The following POLN variants were observed in gnomAD, a reference collection of about 807,000 sequenced individuals.
POLN encodes DNA polymerase nu, also known as DNA polymerase N.
A neutral mutation model predicts 113.5 loss-of-function variants in POLN; 108 were observed. The observed-to-expected ratio is 0.95, with a 90% confidence interval of 0.81 to 1.12. The LOEUF (loss-of-function observed/expected upper bound fraction) is 1.12. Ranked by LOEUF, POLN falls within the 50% of genes most tolerant of loss-of-function variation. POLN has a pLI of 0.00. For synonymous variants in POLN, 386 were observed against 391.5 expected, an observed-to-expected ratio of 0.99 and a Z score of 0.17; for missense variants, 1,097 against 1,077.1, an observed-to-expected ratio of 1.02 and a Z score of -0.26.
intron 4 of POLN, among the ~76,000 whole-genome samples, chr4:2,210,465 C>A (rs965766015): frequency 2.0e-5 from 3 of 151,428 alleles, no homozygotes. Context: ...CCTACGGTCC[C>A]AGCTACTCAG....
rs188230047 is a variant in POLN, at chr4:2,083,219, C to T, written c.2198-1476G>A. Among the ~76,000 whole-genome samples, 37 of 152,300 alleles carry T rather than the reference C, an allele frequency of 2.4e-4. No individual in the cohort carries two copies. In the East Asian group the frequency reaches 6.9e-3, roughly 29 times the overall value. On this transcript the variant is annotated intron_variant, in intron 21 of 25. Transcript: ENST00000511885. ...TTTACAAGGCTCTCTCTCTCTAGCT[C>T]CCTCCTCTCTGACACTCTGGCTTAC...
At chr4:2,175,777 G>A (rs994031497) in intron 9 of POLN, among the ~76,000 whole-genome samples, 1 of 152,194 alleles carries the variant, frequency 6.6e-6, no homozygotes, top group African/African-American at 2.4e-5. Context: ...CTCTCAGATG[G>A]GGCATAGGGG....
intron 19 of POLN, among the ~76,000 whole-genome samples, chr4:2,102,793 C>A (rs887116392): frequency 1.3e-5 from 2 of 152,192 alleles, no homozygotes; most frequent in African/African-American, 4.8e-5. Flanking sequence ...CCCAAAGAAA[C>A]CACAGATACC....
intron 8 of POLN, among the ~76,000 whole-genome samples, chr4:2,178,441 G>A (rs1220370289): frequency 6.6e-6 from 1 of 152,228 alleles, no homozygotes; most frequent in Admixed American, 6.5e-5. Flanking sequence ...GGCCCCAACT[G>A]TGGCCACATT....
chr4:2,124,675 C>T (rs956394689), intron 19 of POLN, among the ~76,000 whole-genome samples: 20 of 152,090 alleles, frequency 1.3e-4, no homozygotes, highest in African/African-American at 4.8e-4. Context: ...TTCCCAGGAG[C>T]GGGGGCACAG....
chr4:2,105,512 G>A (rs912153073), intron 19 of POLN, among the ~76,000 whole-genome samples: 1 of 152,158 alleles, frequency 6.6e-6, no homozygotes, highest in African/African-American at 2.4e-5. Flanking sequence ...AGAAAAAAGA[G>A]ATCAGGAGAG....
intron 23 of POLN, among the ~76,000 whole-genome samples, chr4:2,076,002 C>T (rs1293085738): frequency 6.6e-6 from 1 of 152,196 alleles, no homozygotes; most frequent in Non-Finnish European, 1.5e-5. Flanking sequence ...CTTGTGCCCT[C>T]AGGGCTTCTC....
At chr4:2,206,158 C>T (rs1399999451) in intron 5 of POLN, among the ~76,000 whole-genome samples, 1 of 152,134 alleles carries the variant, frequency 6.6e-6, no homozygotes, top group Non-Finnish European at 1.5e-5. Context: ...GGAAAGGACA[C>T]CCTATTCAAC....
chr4:2,194,760 T>C (rs1733534210), intron 6 of POLN, among the ~76,000 whole-genome samples: 1 of 152,126 alleles, frequency 6.6e-6, no homozygotes, highest in Non-Finnish European at 1.5e-5. Context: ...GGTGCATGCC[T>C]GTAGTCCTAA....
At chr4:2,096,686 AAGAGAG>A (rs750844060) in intron 19 of POLN, among the ~76,000 whole-genome samples, 5,426 of 129,934 alleles carry the variant, frequency 0.042, 166 homozygotes, top group African/African-American at 0.094. Context: ...AGCCGAGAGA[AAGAGAG>A]AGAGAGAGAG....
intron 19 of POLN, among the ~76,000 whole-genome samples, chr4:2,105,031 C>T (rs931639663): frequency 6.6e-6 from 1 of 152,202 alleles, no homozygotes; most frequent in African/African-American, 2.4e-5. Flanking sequence ...TGCCCCCCAC[C>T]ATCCCAACTG....
At chr4:2,209,714 T>G (rs1733943484) in intron 4 of POLN, among the ~76,000 whole-genome samples, 1 of 140,860 alleles carries the variant, frequency 7.1e-6, no homozygotes, top group South Asian at 2.3e-4. Flanking sequence ...CAGGCTGAAG[T>G]GCAGTGGCAC....
Position 2,152,128 on chromosome 4 carries a change from C to T in POLN, c.1731+4660G>A, listed in dbSNP as rs577126699. Among the ~76,000 whole-genome samples, 29 of 150,978 alleles carry T rather than the reference C, an allele frequency of 1.9e-4. No individual in the cohort carries two copies. In the South Asian group the frequency reaches 5.9e-3, roughly 31 times the overall value. ...CTCACTGTGACCTCCTCCTCTCGGG[C>T]TCAAGCAATCCTCCCACTTCAGCCT... On this transcript the variant is annotated intron_variant, in intron 16 of 25. Transcript: ENST00000511885.
chr4:2,155,030 T>A (rs1732389285), intron 16 of POLN, among the ~76,000 whole-genome samples: 1 of 152,102 alleles, frequency 6.6e-6, no homozygotes. Context: ...TGGAAGAGAA[T>A]AAAACACAGC....
intron 8 of POLN, 94 bp from the exon 9 acceptor site, chr4:2,176,428 T>C: frequency 2.0e-6 from 2 of 979,216 alleles, no homozygotes; most frequent in Non-Finnish European, 3.0e-6. Flanking sequence ...AAATGTTTCC[T>C]AGTAAAATCC....
chr4:2,224,400 G>A (rs999781389), intron 3 of POLN, among the ~76,000 whole-genome samples: 1 of 152,062 alleles, frequency 6.6e-6, no homozygotes, highest in Non-Finnish European at 1.5e-5. Context: ...ATAAGAAGGA[G>A]TATACCCTAA....
intron 16 of POLN, among the ~76,000 whole-genome samples, chr4:2,148,328 A>G (rs1163323957): frequency 6.6e-6 from 1 of 152,196 alleles, no homozygotes; most frequent in Non-Finnish European, 1.5e-5. Context: ...ATATGTAATT[A>G]TAAGTGGAGT....
At chr4:2,240,802 C>G (rs1005807639) in intron 2 of POLN, 2 of 1,613,776 alleles carry the variant, frequency 1.2e-6, no homozygotes, top group Non-Finnish European at 1.7e-6. Context: ...ACGTTCTGTT[C>G]ATTCACATTC....
At chr4:2,189,169 C>T (rs1347586135) in intron 7 of POLN, among the ~76,000 whole-genome samples, 1 of 152,114 alleles carries the variant, frequency 6.6e-6, no homozygotes, top group East Asian at 1.9e-4. Context: ...AATAAGTCCT[C>T]ACCTACCAAT....
Sources: allele counts gnomAD v4.1 joint callset (sites outside exome capture counted in the v4.1 genomes callset), GRCh38; gene constraint gnomAD v4.1.1; transcripts MANE v1.5; gene names NCBI Gene and HGNC (gene_info 2026-07-23, HGNC 2026-07-21).